LYPLAL1: variants seen among roughly 807,000 people sequenced by gnomAD.
LYPLAL1 encodes the protein lysophospholipase like 1.
Under a neutral mutation model 19.7 loss-of-function variants are expected in LYPLAL1, and 23 were observed. That is an observed-to-expected ratio of 1.17 (90% CI 0.84 to 1.65). The LOEUF (loss-of-function observed/expected upper bound fraction) is 1.65, where lower values mean the gene tolerates loss of function less well. Among genes scored for constraint, LYPLAL1 ranks in the 40% most tolerant of loss-of-function variants. The pLI, the probability that LYPLAL1 is intolerant of heterozygous loss-of-function variation, is 0.00. For missense variants in LYPLAL1, 355 were observed against 279.4 expected (o/e 1.27, Z -1.93); for synonymous variants, 119 against 96.3 (o/e 1.24, Z -1.38).
the LYPLAL1 span, among the ~76,000 whole-genome samples, chr1:219,428,222 A>T: frequency 6.6e-6 from 1 of 152,220 alleles, no homozygotes; most frequent in Admixed American, 6.5e-5. Flanking sequence ...ATCTACTTAC[A>T]GTTATCTCAT....
the LYPLAL1 span, chr1:219,223,028 T>A: frequency 6.6e-6 from 1 of 152,198 alleles, no homozygotes; most frequent in East Asian, 1.9e-4. Context: ...ACCTTGGGGT[T>A]TAAATTCCAA....
intron 3 of LYPLAL1, 109 bp from the exon 4 acceptor site, chr1:219,210,423 A>G (rs1658919469): frequency 2.7e-6 from 2 of 729,354 alleles, no homozygotes; most frequent in South Asian, 2.7e-5. Context: ...TCTTTTTAGC[A>G]TTCTCTTTAA....
chr1:219,255,044 T>C, the LYPLAL1 span, among the ~76,000 whole-genome samples: 1 of 151,882 alleles, frequency 6.6e-6, no homozygotes, highest in African/African-American at 2.4e-5. Flanking sequence ...TTTCCTCAGC[T>C]CGGTTTATTC....
intron 3 of LYPLAL1, among the ~76,000 whole-genome samples, chr1:219,196,431 C>A (rs995771872): frequency 2.0e-5 from 3 of 152,116 alleles, no homozygotes; most frequent in Non-Finnish European, 2.9e-5. Flanking sequence ...ATTTGCAGCT[C>A]TCTAATGATA....
chr1:219,341,917 T>C, the LYPLAL1 span, among the ~76,000 whole-genome samples: 1 of 152,178 alleles, frequency 6.6e-6, no homozygotes, highest in African/African-American at 2.4e-5. Flanking sequence ...AGATTTGTTT[T>C]ACTGAAGAGA....
the LYPLAL1 span, among the ~76,000 whole-genome samples, chr1:219,217,966 G>A: frequency 6.6e-6 from 1 of 152,004 alleles, no homozygotes; most frequent in Non-Finnish European, 1.5e-5. Flanking sequence ...TAGGATGTGA[G>A]TAAAGGGGGA....
chr1:219,176,288 C>T (rs1655804956), intron 1 of LYPLAL1, among the ~76,000 whole-genome samples: 2 of 152,158 alleles, frequency 1.3e-5, no homozygotes, highest in Admixed American at 1.3e-4. Context: ...GACACTGGTT[C>T]TTCTTTCAGT....
chr1:219,345,927 A>C, the LYPLAL1 span, among the ~76,000 whole-genome samples: 1 of 152,078 alleles, frequency 6.6e-6, no homozygotes, highest in South Asian at 2.1e-4. Flanking sequence ...TATCCCTGTG[A>C]TGTGTTTTCC....
At chr1:219,332,005 C>G in the LYPLAL1 span, among the ~76,000 whole-genome samples, 1 of 151,958 alleles carries the variant, frequency 6.6e-6, no homozygotes, top group Non-Finnish European at 1.5e-5. Context: ...AACACTAGCC[C>G]GAGGTTCACT....
chr1:219,319,592 A>G, the LYPLAL1 span, among the ~76,000 whole-genome samples: 1 of 152,150 alleles, frequency 6.6e-6, no homozygotes, highest in Non-Finnish European at 1.5e-5. Flanking sequence ...AGTACCCTTT[A>G]TGGGCAGAAA....
At chr1:219,213,902 A>G (rs1278400111), downstream of LYPLAL1, among the ~76,000 whole-genome samples, 1 of 152,090 alleles carries the variant, frequency 6.6e-6, no homozygotes, top group East Asian at 1.9e-4. Context: ...TTTGCATATT[A>G]CACTGGCTAG....
the LYPLAL1 span, among the ~76,000 whole-genome samples, chr1:219,391,328 C>T: frequency 7.2e-5 from 11 of 152,152 alleles, no homozygotes; most frequent in Admixed American, 2.6e-4. Flanking sequence ...GATTGTCAAG[C>T]CTGCATATGC....
the LYPLAL1 span, among the ~76,000 whole-genome samples, chr1:219,324,232 G>T: frequency 6.6e-6 from 1 of 152,216 alleles, no homozygotes; most frequent in African/African-American, 2.4e-5. Flanking sequence ...GTAACTTATG[G>T]GTTAAAGGCC....
chr1:219,351,790 A>G, the LYPLAL1 span, among the ~76,000 whole-genome samples: 20 of 152,376 alleles, frequency 1.3e-4, no homozygotes, highest in East Asian at 3.9e-3. Flanking sequence ...AGGGCATTGA[A>G]TGAATAAACC....
intron 3 of LYPLAL1, among the ~76,000 whole-genome samples, chr1:219,203,064 G>T (rs1348711923): frequency 7.1e-6 from 1 of 140,590 alleles, no homozygotes; most frequent in Non-Finnish European, 1.5e-5. Context: ...ATATGAAGGG[G>T]ATAGGTTCAA....
At chr1:219,430,987 A>G in the LYPLAL1 span, among the ~76,000 whole-genome samples, 1 of 152,062 alleles carries the variant, frequency 6.6e-6, no homozygotes, top group Admixed American at 6.6e-5. Flanking sequence ...ACCTCGGAAG[A>G]GTTTTTAAGG....
chr1:219,397,781 G>A, the LYPLAL1 span, among the ~76,000 whole-genome samples: 1 of 152,296 alleles, frequency 6.6e-6, no homozygotes, highest in East Asian at 1.9e-4. Flanking sequence ...TTGCTTGTTT[G>A]AAAAGGATTT....
chr1:219,419,548 AAC>A, the LYPLAL1 span, among the ~76,000 whole-genome samples: 3,882 of 97,690 alleles, frequency 0.04, 112 homozygotes, highest in African/African-American at 0.084. Flanking sequence ...GCCCTAGCCC[AAC>A]ACACACACAC....
chr1:219,267,758 A>G, the LYPLAL1 span, among the ~76,000 whole-genome samples: 30 of 152,338 alleles, frequency 2.0e-4, no homozygotes, highest in Non-Finnish European at 3.7e-4. Context: ...GATAAATTGC[A>G]GAGTAGAGAT....
Sources: gnomAD v4.1 joint callset for allele counts (sites outside exome capture counted in the v4.1 genomes callset) on GRCh38, gnomAD v4.1.1 for gene constraint, MANE v1.5 for transcripts, NCBI Gene and HGNC (gene_info 2026-07-23, HGNC 2026-07-21) for gene names.